LIMS1: variants seen among roughly 807,000 people sequenced by gnomAD.
LIMS1 encodes the protein LIM and senescent cell antigen-like-containing domain protein 1.
LIMS1 carries 18 observed loss-of-function variants against 44.1 expected under a neutral mutation model. That is an observed-to-expected ratio of 0.41 (90% CI 0.28 to 0.61). LIMS1 has a LOEUF of 0.61. Ranked by LOEUF, LIMS1 falls within the 20% of genes least tolerant of loss-of-function variation. The pLI is 0.32. For missense variants in LIMS1, 201 were observed against 422.0 expected (o/e 0.48, Z 4.59); for synonymous variants, 93 against 149.1 (o/e 0.62, Z 2.74).
intron 1 of LIMS1, among the ~76,000 whole-genome samples, chr2:108,602,191 T>G (rs768218914): frequency 6.6e-6 from 1 of 152,090 alleles, no homozygotes; most frequent in Non-Finnish European, 1.5e-5. Context: ...ACTCTAATAG[T>G]TTTTTGGTGA....
At chr2:108,600,921 C>G (rs182596541) in intron 1 of LIMS1, among the ~76,000 whole-genome samples, 2 of 151,574 alleles carry the variant, frequency 1.3e-5, no homozygotes, top group Admixed American at 6.6e-5. Context: ...CTCTTCTCTT[C>G]TCTTCTCTTC....
chr2:108,555,972 G>GTT (rs112846693), intron 1 of LIMS1, among the ~76,000 whole-genome samples: 1 of 149,118 alleles, frequency 6.7e-6, no homozygotes, highest in African/African-American at 2.5e-5. Context: ...AATTATCCTG[G>GTT]TTTTTTTTTT....
Position 108,627,436 on chromosome 2 carries a change from A to G in LIMS1, c.33-32169A>G, listed in dbSNP as rs180904914. ...TTTTTTTTTTGCACTGCTATAGGAGACATTTAGGAACGAACCGTCAACTTT... is the reference window on the plus strand; with the variant it reads ...TTTTTTTTTTGCACTGCTATAGGAGGCATTTAGGAACGAACCGTCAACTTT... On this transcript the variant is annotated intron_variant, in intron 1 of 9. Coordinates refer to ENST00000544547, the Ensembl canonical transcript of LIMS1. 4.8e-3 allele frequency among the ~76,000 whole-genome samples: 694 copies of G among 145,170 alleles called. 7 individuals are homozygous for G. The highest frequency in any genetic ancestry group is 0.016 in the African/African-American group (627 of 38,684).
intron 1 of LIMS1, chr2:108,621,521 G>T: frequency 8.2e-7 from 1 of 1,218,540 alleles, no homozygotes. Context: ...AGTGCAGTGG[G>T]GATTCATGCC....
intron 2 of LIMS1, among the ~76,000 whole-genome samples, chr2:108,666,309 T>C (rs1450359332): frequency 6.7e-6 from 1 of 149,778 alleles, no homozygotes; most frequent in African/African-American, 2.5e-5. Flanking sequence ...TGGTTTATTA[T>C]TAGTATTATG....
intron 1 of LIMS1, among the ~76,000 whole-genome samples, chr2:108,604,430 C>T (rs1687163866): frequency 6.6e-6 from 1 of 152,128 alleles, no homozygotes; most frequent in Non-Finnish European, 1.5e-5. Flanking sequence ...TACTATCTGG[C>T]CTTTTACAGA....
rs919468622 is a variant in LIMS1, at chr2:108,549,917, C to T, written c.32+15323C>T. 9.2e-5 allele frequency among the ~76,000 whole-genome samples: 14 copies of T among 151,994 alleles called. No homozygotes were observed. In the South Asian group the frequency reaches 1.0e-3, roughly 11 times the overall value. ...TACTTTTGTTAATCAAATCTAAGAA[C>T]GTGTGGAGAAAACTGGGTGTGAGTA... On this transcript the variant is annotated intron_variant, in intron 1 of 9. Transcript: ENST00000544547.
intron 2 of LIMS1, among the ~76,000 whole-genome samples, chr2:108,670,358 C>T (rs1692084250): frequency 6.7e-6 from 1 of 149,514 alleles, no homozygotes; most frequent in South Asian, 2.1e-4. Flanking sequence ...AATATTTGCC[C>T]TTTGTAAATA....
At chr2:108,625,479 G>A (rs187538314) in intron 1 of LIMS1, among the ~76,000 whole-genome samples, 39 of 152,170 alleles carry the variant, frequency 2.6e-4, no homozygotes, top group Non-Finnish European at 5.3e-4. Flanking sequence ...CTGTTCCTTC[G>A]GCCATGCTTC....
intron 1 of LIMS1, among the ~76,000 whole-genome samples, chr2:108,559,329 T>C (rs1470723472): frequency 6.6e-6 from 1 of 152,202 alleles, no homozygotes. Flanking sequence ...AAATAACTTG[T>C]AAAAATGTGT....
intron 9 of LIMS1, among the ~76,000 whole-genome samples, chr2:108,683,618 T>G (rs1441412565): frequency 6.6e-6 from 1 of 151,896 alleles, no homozygotes; most frequent in Non-Finnish European, 1.5e-5. Flanking sequence ...TACTTAGTAC[T>G]GAATAAAATG....
chr2:108,617,807 T>C (rs139101021), intron 1 of LIMS1, among the ~76,000 whole-genome samples: 2 of 152,326 alleles, frequency 1.3e-5, no homozygotes, highest in Non-Finnish European at 2.9e-5. Context: ...AAGCACAGTC[T>C]GTCTGGGAAA....
chr2:108,575,280 CAT>C (rs1316562313), intron 1 of LIMS1, among the ~76,000 whole-genome samples: 1 of 124,748 alleles, frequency 8.0e-6, no homozygotes, highest in African/African-American at 2.6e-5. Flanking sequence ...CTCTTACAAA[CAT>C]AGTTATATGC....
chr2:108,534,175 G>T (rs1684025212), upstream of LIMS1: 1 of 153,288 alleles, frequency 6.5e-6, no homozygotes. Context: ...CCAGCCACCC[G>T]CTGCGTTTGC....
At chr2:108,598,977 T>G (rs1356616145) in intron 1 of LIMS1, among the ~76,000 whole-genome samples, 2 of 152,170 alleles carry the variant, frequency 1.3e-5, no homozygotes, top group Non-Finnish European at 2.9e-5. Flanking sequence ...TGTTTAATTA[T>G]TTTATTGGGG....
At chr2:108,602,851 A>G (rs919444698) in intron 1 of LIMS1, among the ~76,000 whole-genome samples, 1 of 152,120 alleles carries the variant, frequency 6.6e-6, no homozygotes, top group African/African-American at 2.4e-5. Flanking sequence ...CTGAAACCTC[A>G]ACCTACTGAG....
At chr2:108,645,335 TATTCAAA>T (rs985001240) in intron 1 of LIMS1, among the ~76,000 whole-genome samples, 2 of 152,148 alleles carry the variant, frequency 1.3e-5, no homozygotes, top group Non-Finnish European at 2.9e-5. Context: ...TGGGGGCCAA[TATTCAAA>T]ATTCTTAAAG....
At chr2:108,582,791 G>T (rs1027579510) in intron 1 of LIMS1, among the ~76,000 whole-genome samples, 2 of 151,932 alleles carry the variant, frequency 1.3e-5, no homozygotes, top group African/African-American at 4.8e-5. Context: ...AAATAAAAAA[G>T]ATACCATCAT....
rs1026150821 is a variant in LIMS1 at position 108,680,837 on chromosome 2, A to G, written c.899+67A>G. On this transcript the variant is annotated intron_variant, in intron 9 of 9. Transcript: ENST00000544547. ...AACTTTGGGGAGACACTTAAAAAAA[A>G]TCCTAGAATTTAGAAAAAGAGAATT... 37 of 1,583,914 alleles carry G rather than the reference A, an allele frequency of 2.3e-5. No homozygotes were observed. In the African/African-American group the frequency reaches 4.2e-4, roughly 18 times the overall value.
Sources: gnomAD v4.1 joint callset for allele counts (sites outside exome capture counted in the v4.1 genomes callset) on GRCh38, gnomAD v4.1.1 for gene constraint, MANE v1.5 for transcripts, NCBI Gene and HGNC (gene_info 2026-07-23, HGNC 2026-07-21) for gene names.